WWOX: variants seen among roughly 807,000 people sequenced by gnomAD.
The protein encoded by WWOX is WW domain containing oxidoreductase.
Under a neutral mutation model 46.2 loss-of-function variants are expected in WWOX, and 69 were observed. The ratio of observed to expected loss-of-function variants is 1.49; its 90% CI spans 1.23 to 1.82. The LOEUF is 1.82. Ranked by LOEUF, WWOX falls within the 40% of genes most tolerant of loss-of-function variation. The pLI is 0.00. For missense variants in WWOX, 919 were observed against 542.6 expected (o/e 1.69, Z -6.89); for synonymous variants, 359 against 202.6 (o/e 1.77, Z -6.56).
intron 5 of WWOX, among the ~76,000 whole-genome samples, chr16:78,352,091 G>C (rs906013996): frequency 3.9e-5 from 6 of 152,212 alleles, no homozygotes; most frequent in Admixed American, 3.3e-4. Context: ...AAGAGGGTCA[G>C]TGCCCCATCT....
At position 79,125,828 on chromosome 16, in the gene WWOX, T is replaced by C. The variant is rs148762753; in HGVS notation, c.1057-85780T>C. 2.1e-4 allele frequency among the ~76,000 whole-genome samples: 32 copies of C among 152,338 alleles called. No individual in the cohort carries two copies. In the East Asian group the frequency reaches 4.2e-3, roughly 20 times the overall value. On this transcript the variant is annotated intron_variant, in intron 8 of 8. Coordinates refer to ENST00000566780, the MANE Select transcript of WWOX (RefSeq NM_016373.4). Reference sequence around the variant, plus strand: ...TATGGTGTTGCTTTGAGCAAACAATTAGCATTTTTGCCATAGCTTTTTACT... The same window carrying C: ...TATGGTGTTGCTTTGAGCAAACAATCAGCATTTTTGCCATAGCTTTTTACT...
intron 5 of WWOX, among the ~76,000 whole-genome samples, chr16:78,191,057 C>G (rs573727082): frequency 1.3e-5 from 2 of 152,290 alleles, no homozygotes; most frequent in South Asian, 2.1e-4. Flanking sequence ...AAGAGAAAAT[C>G]TACTTTATGA....
intron 8 of WWOX, among the ~76,000 whole-genome samples, chr16:78,848,240 T>C (rs954482448): frequency 6.6e-6 from 1 of 152,176 alleles, no homozygotes; most frequent in Non-Finnish European, 1.5e-5. Context: ...AAGAGTAACT[T>C]TGTACACCGT....
At chr16:78,310,530 C>T (rs139972093) in intron 5 of WWOX, among the ~76,000 whole-genome samples, 1 of 152,304 alleles carries the variant, frequency 6.6e-6, no homozygotes, top group Non-Finnish European at 1.5e-5. Flanking sequence ...CTAAGTGGAC[C>T]TGAATGTACA....
At position 79,198,602 on chromosome 16, in the gene WWOX, C is replaced by G. The variant is rs551179755; in HGVS notation, c.1057-13006C>G. Among the ~76,000 whole-genome samples, 8 of 152,284 alleles carry G rather than the reference C, an allele frequency of 5.3e-5. No individual in the cohort carries two copies. The East Asian group carries it at 1.5e-3, about 29-fold the overall frequency. On this transcript the variant is annotated intron_variant, in intron 8 of 8. Coordinates refer to ENST00000566780, the MANE Select transcript of WWOX (RefSeq NM_016373.4). Reference sequence around the variant, plus strand: ...TAATTGACAAATGCATTGTGAGTGTCTGATTTCTGTGGCTCAGGATGCTTA... The same window carrying G: ...TAATTGACAAATGCATTGTGAGTGTGTGATTTCTGTGGCTCAGGATGCTTA...
intron 1 of WWOX, among the ~76,000 whole-genome samples, chr16:78,106,660 C>A (rs543377221): frequency 5.9e-5 from 9 of 152,256 alleles, no homozygotes; most frequent in African/African-American, 2.2e-4. Flanking sequence ...AGGTAATCCG[C>A]CTGCCTTGCC....
chr16:78,405,702 C>G (rs986987276), intron 6 of WWOX, among the ~76,000 whole-genome samples: 1 of 152,168 alleles, frequency 6.6e-6, no homozygotes, highest in Admixed American at 6.5e-5. Flanking sequence ...GAAATATCCT[C>G]TTTTAGGCAC....
chr16:78,672,561 A>G (rs995585302), intron 8 of WWOX, among the ~76,000 whole-genome samples: 10 of 152,346 alleles, frequency 6.6e-5, no homozygotes, highest in South Asian at 2.1e-4. Flanking sequence ...AAGAGAAGTC[A>G]TTGCATCTCC....
chr16:78,201,753 G>A (rs1341763454), intron 5 of WWOX, among the ~76,000 whole-genome samples: 1 of 151,958 alleles, frequency 6.6e-6, no homozygotes, highest in African/African-American at 2.4e-5. Flanking sequence ...AGTCTGGAGT[G>A]CAGTGGTGTG....
At chr16:78,215,727 A>G (rs2036697104) in intron 5 of WWOX, among the ~76,000 whole-genome samples, 1 of 152,130 alleles carries the variant, frequency 6.6e-6, no homozygotes, top group African/African-American at 2.4e-5. Context: ...CAAGAGTTTG[A>G]GACCATCCTG....
intron 8 of WWOX, among the ~76,000 whole-genome samples, chr16:79,119,967 C>T (rs995232187): frequency 1.3e-5 from 2 of 152,178 alleles, no homozygotes; most frequent in Admixed American, 6.5e-5. Flanking sequence ...ATGGACAAGA[C>T]TCCACTTTCC....
At chr16:78,390,769 C>T (rs754601279) in intron 6 of WWOX, among the ~76,000 whole-genome samples, 12 of 152,156 alleles carry the variant, frequency 7.9e-5, no homozygotes, top group Non-Finnish European at 1.6e-4. Context: ...CATCTTCAGA[C>T]ATTAAAATTT....
intron 8 of WWOX, among the ~76,000 whole-genome samples, chr16:78,777,837 G>T (rs1243994848): frequency 6.6e-6 from 1 of 152,058 alleles, no homozygotes; most frequent in African/African-American, 2.4e-5. Flanking sequence ...ATGAGGTCAA[G>T]AGATCAAGAG....
At chr16:78,911,573 A>C (rs1211903232) in intron 8 of WWOX, among the ~76,000 whole-genome samples, 1 of 152,032 alleles carries the variant, frequency 6.6e-6, no homozygotes, top group Non-Finnish European at 1.5e-5. Flanking sequence ...GCAATGTTGT[A>C]AGAAACACCA....
chr16:78,724,942 T>C (rs1439951151), intron 8 of WWOX, among the ~76,000 whole-genome samples: 1 of 152,148 alleles, frequency 6.6e-6, no homozygotes, highest in African/African-American at 2.4e-5. Context: ...ACGTAGCAGG[T>C]ATTTTACAGG....
At chr16:78,375,064 T>G (rs904608625) in intron 5 of WWOX, among the ~76,000 whole-genome samples, 3 of 152,212 alleles carry the variant, frequency 2.0e-5, no homozygotes, top group East Asian at 1.9e-4. Context: ...GCAGGAAACC[T>G]TATTTTTTTC....
At position 78,991,866 on chromosome 16, in the gene WWOX, G is replaced by T. The variant is rs148625434; in HGVS notation, c.1057-219742G>T. ...TGCTTCAGACTCCTGTCCATGTGGG[G>T]CCCTGTGGTCTTGCGATCACCTCCA... On this transcript the variant is annotated intron_variant, in intron 8 of 8. Transcript: ENST00000566780. Among the ~76,000 whole-genome samples, 278 of 152,192 alleles carry T rather than the reference G, an allele frequency of 1.8e-3. 1 individual carries two copies. Among genetic ancestry groups the T allele is most frequent in the African/African-American group, 6.1e-3 (255 of 41,518 alleles).
chr16:78,261,152 T>C (rs886075775), intron 5 of WWOX, among the ~76,000 whole-genome samples: 1 of 150,938 alleles, frequency 6.6e-6, no homozygotes, highest in South Asian at 2.1e-4. Context: ...ACTTGACATT[T>C]TAGCATAGAA....
chr16:78,774,598 G>C (rs891687171), intron 8 of WWOX, among the ~76,000 whole-genome samples: 1 of 151,848 alleles, frequency 6.6e-6, no homozygotes, highest in South Asian at 2.1e-4. Context: ...ACATAAGATA[G>C]CATAAGGTAG....
Sources: allele counts gnomAD v4.1 joint callset (sites outside exome capture counted in the v4.1 genomes callset), GRCh38; gene constraint gnomAD v4.1.1; transcripts MANE v1.5; gene names NCBI Gene and HGNC (gene_info 2026-07-23, HGNC 2026-07-21).